SNHG17: variants seen among roughly 807,000 people sequenced by gnomAD.
SNHG17 encodes the protein small nucleolar RNA host gene 17.
chr20:38,428,861 A>AAGGGAAATCCTCCCCATACAAGGCTGG (rs1250068790), intron 3 of SNHG17: 2 of 152,070 alleles, frequency 1.3e-5, no homozygotes, highest in African/African-American at 4.8e-5. Context: ...CTCCCCATAC[A>AAGGGAAATCCTCCCCATACAAGGCTGG]AGGGAAATCC....
intron 5 of SNHG17, chr20:38,425,406 T>A: frequency 2.2e-6 from 1 of 464,116 alleles, no homozygotes; most frequent in Non-Finnish European, 4.4e-6. Context: ...CTAAGAGACC[T>A]GGAAACAAGT....
At chr20:38,424,384 C>A (rs944114215) in intron 5 of SNHG17, among the ~76,000 whole-genome samples, 2 of 151,910 alleles carry the variant, frequency 1.3e-5, no homozygotes, top group Non-Finnish European at 1.5e-5. Flanking sequence ...ACTACTCTAG[C>A]CCTTGCCACC....
intron 2 of SNHG17, among the ~76,000 whole-genome samples, chr20:38,434,178 C>T (rs1023008756): frequency 2.0e-5 from 3 of 152,204 alleles, no homozygotes; most frequent in Admixed American, 6.5e-5. Context: ...AAAAATGCCT[C>T]GGCTGTACAT....
intron 5 of SNHG17, among the ~76,000 whole-genome samples, chr20:38,422,885 G>A (rs2084182345): frequency 6.6e-6 from 1 of 152,184 alleles, no homozygotes; most frequent in African/African-American, 2.4e-5. Context: ...GAGGTCAGGA[G>A]TTCAAGACCA....
At chr20:38,427,655 T>A (rs1233664967) in intron 3 of SNHG17, 1 of 172,978 alleles carries the variant, frequency 5.8e-6, no homozygotes, top group African/African-American at 2.4e-5. Flanking sequence ...TGGGGTCACG[T>A]CTGTAAAAAT....
At chr20:38,433,147 G>A (rs1317398788) in intron 2 of SNHG17, among the ~76,000 whole-genome samples, 1 of 151,938 alleles carries the variant, frequency 6.6e-6, no homozygotes, top group East Asian at 1.9e-4. Flanking sequence ...GGTAATTTTT[G>A]TATTTTTTAG....
chr20:38,434,204 T>C (rs1386250129), intron 2 of SNHG17, among the ~76,000 whole-genome samples: 1 of 151,808 alleles, frequency 6.6e-6, no homozygotes, highest in East Asian at 1.9e-4. Flanking sequence ...CCACCAGTTC[T>C]GAGTATCTAC....
At chr20:38,434,946 C>G (rs1255824575) in intron 1 of SNHG17, 6 of 1,227,360 alleles carry the variant, frequency 4.9e-6, no homozygotes, top group African/African-American at 1.6e-5. Context: ...TAAGCCTCCC[C>G]GCAGAGTAGC....
chr20:38,425,515 T>C (rs1303626842), intron 5 of SNHG17, among the ~76,000 whole-genome samples: 1 of 152,146 alleles, frequency 6.6e-6, no homozygotes, highest in Non-Finnish European at 1.5e-5. Flanking sequence ...TGAATACGAA[T>C]CACCTGGAGA....
chr20:38,422,849 G>C (rs1438178598), intron 5 of SNHG17, among the ~76,000 whole-genome samples: 1 of 152,104 alleles, frequency 6.6e-6, no homozygotes, highest in Non-Finnish European at 1.5e-5. Flanking sequence ...CCAGTACTTT[G>C]GGGGGCCGAG....
intron 3 of SNHG17, chr20:38,427,742 T>G (rs2084273486): frequency 6.2e-6 from 1 of 161,516 alleles, no homozygotes; most frequent in Non-Finnish European, 1.4e-5. Context: ...GGCTGGCATC[T>G]GGGAACTTGG....
chr20:38,427,463 C>A (rs1259389071), intron 3 of SNHG17: 1 of 508,596 alleles, frequency 2.0e-6, no homozygotes, highest in Non-Finnish European at 3.9e-6. Context: ...ACAGGAGAGC[C>A]AGGAAGGGCA....
At chr20:38,435,031 C>A in intron 1 of SNHG17, 1 of 1,231,142 alleles carries the variant, frequency 8.1e-7, no homozygotes, top group Non-Finnish European at 1.0e-6. Flanking sequence ...ACTCACCTGC[C>A]AGTGTCTTTC....
intron 5 of SNHG17, among the ~76,000 whole-genome samples, chr20:38,422,683 A>G (rs902966653): frequency 1.3e-5 from 2 of 152,142 alleles, no homozygotes; most frequent in Non-Finnish European, 2.9e-5. Context: ...ATTACTCCCA[A>G]TCGCCAAGAT....
intron 1 of SNHG17, chr20:38,435,001 C>A: frequency 8.1e-7 from 1 of 1,230,108 alleles, no homozygotes; most frequent in Non-Finnish European, 1.0e-6. Context: ...CCGCTCAGCA[C>A]TGCCGCGGCC....
chr20:38,434,012 G>T, intron 2 of SNHG17: 1 of 518,672 alleles, frequency 1.9e-6, no homozygotes, highest in Non-Finnish European at 3.9e-6. Context: ...AAAAAGGGCA[G>T]GTGAGCCCAC....
intron 5 of SNHG17, among the ~76,000 whole-genome samples, chr20:38,425,588 GC>G (rs2084233141): frequency 6.6e-6 from 1 of 152,168 alleles, no homozygotes; most frequent in Admixed American, 6.5e-5. Context: ...TTGGGACAGG[GC>G]TAAGAACTTG....
At chr20:38,434,234 G>T (rs1292146285) in intron 2 of SNHG17, among the ~76,000 whole-genome samples, 1 of 152,220 alleles carries the variant, frequency 6.6e-6, no homozygotes, top group Non-Finnish European at 1.5e-5. Flanking sequence ...GGCACCGTGG[G>T]TTCAAAATCA....
At chr20:38,427,397 C>T (rs2084268368) in intron 3 of SNHG17, 1 of 518,772 alleles carries the variant, frequency 1.9e-6, no homozygotes, top group Admixed American at 1.9e-5. Context: ...CCTGCACTAT[C>T]AATGACCTAG....
Sources: gnomAD v4.1 joint callset for allele counts (sites outside exome capture counted in the v4.1 genomes callset) on GRCh38, gnomAD v4.1.1 for gene constraint, MANE v1.5 for transcripts, NCBI Gene and HGNC (gene_info 2026-07-23, HGNC 2026-07-21) for gene names.